The following SNTG2 variants were observed in gnomAD, a reference collection of about 807,000 sequenced individuals.
SNTG2 encodes gamma-2-syntrophin.
In SNTG2, 74 loss-of-function variants were observed where a neutral mutation model predicts 70.9. The observed-to-expected ratio is 1.04, with a 90% CI of 0.86 to 1.27. The LOEUF (loss-of-function observed/expected upper bound fraction) is 1.27, where lower values mean the gene tolerates loss of function less well. Among genes scored for constraint, SNTG2 ranks in the 50% most tolerant of loss-of-function variants. The probability of loss-of-function intolerance (pLI) is 0.00; values close to 1 mark genes in which losing one functional copy is unlikely to be tolerated. For synonymous variants in SNTG2, 278 were observed against 273.8 expected (o/e 1.02, Z -0.15); for missense variants, 717 against 690.7 (o/e 1.04, Z -0.43).
chr2:1,069,879 C>T (rs763167151), intron 1 of SNTG2, among the ~76,000 whole-genome samples: 16 of 152,104 alleles, frequency 1.1e-4, no homozygotes, highest in East Asian at 1.9e-4. Flanking sequence ...GAGATGTCCC[C>T]GGGAACTCTG....
rs1247904798 is a variant in SNTG2, at chr2:1,097,990, A to G, written c.211-206A>G. ...TCAGACAATGCCTGGAATGGGGCCT[A>G]TTCTTTATCACTGTCTTCGTTTTCA... is the stretch of plus-strand genomic sequence containing the variant. On this transcript the variant is annotated intron_variant, in intron 2 of 16. Coordinates refer to ENST00000308624, the MANE Select transcript of SNTG2 (RefSeq NM_018968.4). This position sits in a 1 kb window ranked among gnomAD's most constrained non-coding sequence, Gnocchi z 4.1. 6.6e-6 allele frequency among the ~76,000 whole-genome samples: 1 copy of G among 152,060 alleles called. No individual in the cohort carries two copies. Among genetic ancestry groups the G allele is most frequent in the East Asian group, 1.9e-4 (1 of 5,132 alleles).
intron 6 of SNTG2, 126 bp from the exon 7 acceptor site, chr2:1,165,422 G>T (rs1039289840): frequency 5.7e-5 from 51 of 899,646 alleles, no homozygotes; most frequent in Non-Finnish European, 8.2e-5. Flanking sequence ...AAAGTTTTCC[G>T]TGTTTCAGAG....
chr2:1,122,901 C>T (rs28891809), intron 4 of SNTG2, among the ~76,000 whole-genome samples: 72,381 of 151,852 alleles, frequency 0.48, 18,384 homozygotes, highest in East Asian at 0.66. Context: ...ATAGCATTGT[C>T]ATACACAAAT....
intron 1 of SNTG2, among the ~76,000 whole-genome samples, chr2:979,112 T>A (rs1160857216): frequency 6.6e-6 from 1 of 152,194 alleles, no homozygotes; most frequent in Non-Finnish European, 1.5e-5. Context: ...GAAATTGAAA[T>A]GAAAATCAAA....
At chr2:1,115,236 T>C (rs1191738893) in intron 4 of SNTG2, among the ~76,000 whole-genome samples, 2 of 147,668 alleles carry the variant, frequency 1.4e-5, no homozygotes, top group Admixed American at 6.8e-5. Flanking sequence ...TATAGTTCTT[T>C]GAGGAGAATT....
At chr2:1,066,481 T>G (rs1663162656) in intron 1 of SNTG2, among the ~76,000 whole-genome samples, 1 of 152,062 alleles carries the variant, frequency 6.6e-6, no homozygotes, top group Non-Finnish European at 1.5e-5. Flanking sequence ...GTGATGATTT[T>G]GCCGGGATTC....
At chr2:1,028,347 C>T (rs947019103) in intron 1 of SNTG2, among the ~76,000 whole-genome samples, 4 of 152,268 alleles carry the variant, frequency 2.6e-5, no homozygotes, top group Non-Finnish European at 4.4e-5. Flanking sequence ...AGACACTAAG[C>T]TCTGGCTGCA....
At chr2:1,155,164 CGTAG>C in intron 6 of SNTG2, among the ~76,000 whole-genome samples, 1 of 52,184 alleles carries the variant, frequency 1.9e-5, no homozygotes, top group African/African-American at 9.0e-5. Context: ...CACACACACA[CGTAG>C]ACCCCCCCCC....
chr2:1,272,595 G>A (rs1164368984), intron 14 of SNTG2, among the ~76,000 whole-genome samples: 2 of 151,082 alleles, frequency 1.3e-5, no homozygotes, highest in African/African-American at 4.9e-5. Flanking sequence ...CAGGGAGCAG[G>A]TGTAGAAAGG....
rs141524045 is a variant in SNTG2 at position 1,109,688 on chromosome 2, T to A, written c.325+11278T>A. On this transcript the variant is annotated intron_variant, in intron 4 of 16. Coordinates refer to ENST00000308624, the MANE Select transcript of SNTG2 (RefSeq NM_018968.4). ...TCTCATTAGGTACAAAGAAAATTCA[T>A]TCACAGCCACAGTTTAATTCCACTT... Among the ~76,000 whole-genome samples, 17 of 152,306 alleles carry A rather than the reference T, an allele frequency of 1.1e-4. No individual in the cohort carries two copies. The East Asian group carries it at 3.3e-3, about 29-fold the overall frequency.
chr2:1,360,909 G>T (rs66551806), intron 16 of SNTG2, among the ~76,000 whole-genome samples: 68,632 of 151,988 alleles, frequency 0.45, 15,604 homozygotes, highest in Middle Eastern at 0.49. Flanking sequence ...TGTCCCAGTG[G>T]TTTTTTGTCT....
chr2:1,125,691 T>C (rs564170846), intron 4 of SNTG2, among the ~76,000 whole-genome samples: 1 of 152,244 alleles, frequency 6.6e-6, no homozygotes, highest in South Asian at 2.1e-4. Flanking sequence ...GCTGTTTTAA[T>C]TTTGATGTGT....
chr2:1,110,006 G>C (rs1666336666), intron 4 of SNTG2, among the ~76,000 whole-genome samples: 1 of 152,176 alleles, frequency 6.6e-6, no homozygotes, highest in South Asian at 2.1e-4. Flanking sequence ...GAGCTACAGT[G>C]GGAATGTCAG....
At chr2:1,002,457 T>A (rs1379067342) in intron 1 of SNTG2, among the ~76,000 whole-genome samples, 1 of 152,046 alleles carries the variant, frequency 6.6e-6, no homozygotes, top group Non-Finnish European at 1.5e-5. Flanking sequence ...CATGAACATA[T>A]ATTTTTCAAA....
chr2:1,185,271 T>C (rs189080919), intron 8 of SNTG2, among the ~76,000 whole-genome samples: 1 of 152,222 alleles, frequency 6.6e-6, no homozygotes, highest in Non-Finnish European at 1.5e-5. Flanking sequence ...TCTCAAAGAC[T>C]GGCGTTGAGT....
chr2:1,167,988 G>A (rs28540526), intron 7 of SNTG2, among the ~76,000 whole-genome samples: 74 of 94,770 alleles, frequency 7.8e-4, no homozygotes, highest in Admixed American at 1.1e-3. Flanking sequence ...GAAGCCTACA[G>A]GCCGCCCACA....
intron 6 of SNTG2, among the ~76,000 whole-genome samples, chr2:1,140,737 C>A (rs916616006): frequency 6.6e-6 from 1 of 152,160 alleles, no homozygotes; most frequent in African/African-American, 2.4e-5. Flanking sequence ...TTTAAAAAGA[C>A]GTCTCAAATG....
intron 1 of SNTG2, among the ~76,000 whole-genome samples, chr2:966,063 G>A (rs926814155): frequency 2.0e-5 from 3 of 152,148 alleles, no homozygotes; most frequent in Admixed American, 6.5e-5. Flanking sequence ...CTCCATGCAT[G>A]CCCAGGGTCC....
chr2:1,294,766 G>C (rs2148226537), intron 14 of SNTG2, among the ~76,000 whole-genome samples: 1 of 152,158 alleles, frequency 6.6e-6, no homozygotes, highest in African/African-American at 2.4e-5. Flanking sequence ...AAATATCTTA[G>C]CATCTTAAGA....
Sources: allele counts gnomAD v4.1 joint callset (sites outside exome capture counted in the v4.1 genomes callset), GRCh38; gene constraint gnomAD v4.1.1; non-coding constraint Gnocchi (gnomAD v3.1); transcripts MANE v1.5; gene names NCBI Gene and HGNC (gene_info 2026-07-23, HGNC 2026-07-21).